H2AZ2: variants seen among roughly 807,000 people sequenced by gnomAD.
H2AZ2 encodes the protein H2A.Z variant histone 2, also known as histone H2A.V.
A neutral mutation model predicts 15.5 loss-of-function variants in H2AZ2; 5 were observed. The ratio of observed to expected loss-of-function variants is 0.32; its 90% CI spans 0.17 to 0.68. H2AZ2 has a LOEUF of 0.68. Among genes scored for constraint, H2AZ2 ranks in the 30% least tolerant of loss-of-function variants. The pLI, the probability that H2AZ2 is intolerant of heterozygous loss-of-function variation, is 0.72. For synonymous variants in H2AZ2, 44 were observed against 57.4 expected, an observed-to-expected ratio of 0.77 and a Z score of 1.05; for missense variants, 42 against 162.5, an observed-to-expected ratio of 0.26 and a Z score of 4.03.
intron 2 of H2AZ2, 128 bp from the exon 3 acceptor site, chr7:44,841,140 A>G (rs963220237): frequency 4.3e-5 from 28 of 643,750 alleles, no homozygotes; most frequent in Middle Eastern, 3.1e-4. Context: ...AGCCAAACCT[A>G]TTACGCATCA....
At chr7:44,830,228 A>C, downstream of H2AZ2, 45 of 1,453,976 alleles carry the variant, frequency 3.1e-5, no homozygotes, top group Middle Eastern at 1.7e-4. Context: ...GGGCCATCTC[A>C]TAGATGAGCT....
At chr7:44,844,036 G>T in intron 1 of H2AZ2, among the ~76,000 whole-genome samples, 1 of 106,952 alleles carries the variant, frequency 9.3e-6, no homozygotes, top group South Asian at 3.0e-4. Context: ...AATAAAGCAT[G>T]TTCCAAGAAA....
At chr7:44,829,603 G>GAAAAAAAAAA (rs11297798), downstream of H2AZ2, 1 of 138,228 alleles carries the variant, frequency 7.2e-6, no homozygotes. Flanking sequence ...TCTATTAAAG[G>GAAAAAAAAAA]AAAAAAAAAA....
chr7:44,837,233 T>A (rs1793147372), intron 3 of H2AZ2, among the ~76,000 whole-genome samples: 1 of 151,282 alleles, frequency 6.6e-6, no homozygotes, highest in Non-Finnish European at 1.5e-5. Context: ...CAGTGTTGGG[T>A]ATACAGGAGA....
chr7:44,846,294 G>A (rs948978080), intron 1 of H2AZ2, among the ~76,000 whole-genome samples: 1 of 152,060 alleles, frequency 6.6e-6, no homozygotes, highest in African/African-American at 2.4e-5. Context: ...AAAACATATA[G>A]CGTATCACTA....
intron 4 of H2AZ2, chr7:44,834,786 T>C: frequency 5.2e-6 from 1 of 193,338 alleles, no homozygotes; most frequent in Non-Finnish European, 1.0e-5. Context: ...AACCATAGCT[T>C]TTTTTTTTTT....
At chr7:44,846,162 T>G (rs1793401267) in intron 1 of H2AZ2, among the ~76,000 whole-genome samples, 1 of 152,106 alleles carries the variant, frequency 6.6e-6, no homozygotes, top group South Asian at 2.1e-4. Context: ...CATGTCAGTT[T>G]TAACAGACAT....
At chr7:44,843,730 T>C (rs1409295642) in intron 1 of H2AZ2, among the ~76,000 whole-genome samples, 1 of 152,120 alleles carries the variant, frequency 6.6e-6, no homozygotes, top group Non-Finnish European at 1.5e-5. Context: ...GGCTAATTTT[T>C]GTATTTTTAG....
downstream of H2AZ2, chr7:44,827,047 C>A (rs1298985763): frequency 6.6e-6 from 1 of 152,122 alleles, no homozygotes; most frequent in Non-Finnish European, 1.5e-5. Context: ...TGGAAGACTA[C>A]CATTATTCAA....
intron 3 of H2AZ2, among the ~76,000 whole-genome samples, chr7:44,838,726 A>G (rs139085447): frequency 0.017 from 2,575 of 152,338 alleles, 33 homozygotes; most frequent in Middle Eastern, 0.054. Context: ...GAAACTATCC[A>G]TAACATCCAT....
At chr7:44,837,371 C>T (rs1235138863) in intron 3 of H2AZ2, among the ~76,000 whole-genome samples, 3 of 129,760 alleles carry the variant, frequency 2.3e-5, no homozygotes, top group African/African-American at 2.9e-5. Flanking sequence ...TGCAGTGAGC[C>T]GAGATTGAGC....
At chr7:44,846,619 A>C (rs1439501442) in intron 1 of H2AZ2, among the ~76,000 whole-genome samples, 12 of 146,032 alleles carry the variant, frequency 8.2e-5, no homozygotes, top group Non-Finnish European at 1.2e-4. Flanking sequence ...AAAAAAAAAA[A>C]CCACAAAAAA....
At chr7:44,838,528 C>T (rs188993573) in intron 3 of H2AZ2, among the ~76,000 whole-genome samples, 74 of 151,996 alleles carry the variant, frequency 4.9e-4, no homozygotes, top group African/African-American at 1.5e-3. Context: ...TGATGCACAC[C>T]GGTAGCCCCA....
rs957317271 is a variant in H2AZ2 at position 44,832,428 on chromosome 7, T to C, written c.*2073A>G. 2.0e-5 allele frequency among the ~76,000 whole-genome samples: 3 copies of C among 152,120 alleles called. No homozygotes were observed. The highest frequency in any genetic ancestry group is 7.2e-5 in the African/African-American group (3 of 41,422). The stretch of plus-strand genomic sequence containing the variant: ...GGCAGGGGATAGGTGGGGATGCAGG[T>C]AAACAAGACTGACCACAGGACAGCT... On this transcript the variant is annotated 3_prime_UTR_variant, in exon 5 of 5. Transcript: ENST00000308153.
intron 4 of H2AZ2, 132 bp from the exon 5 acceptor site, chr7:44,834,694 A>C: frequency 4.1e-6 from 3 of 736,472 alleles, no homozygotes; most frequent in Non-Finnish European, 4.3e-6. Flanking sequence ...ATCTATACCA[A>C]TGGCTACACC....
intron 1 of H2AZ2, among the ~76,000 whole-genome samples, chr7:44,846,668 A>C (rs1045707967): frequency 2.0e-5 from 3 of 151,304 alleles, no homozygotes; most frequent in East Asian, 1.9e-4. Context: ...AAAAAAAAAA[A>C]ACCACAAAAA....
At chr7:44,847,580 C>CT (rs1309148645) in intron 1 of H2AZ2, among the ~76,000 whole-genome samples, 1 of 152,218 alleles carries the variant, frequency 6.6e-6, no homozygotes, top group African/African-American at 2.4e-5. Flanking sequence ...AAAGACTTAT[C>CT]TAACTTGTAC....
intron 1 of H2AZ2, among the ~76,000 whole-genome samples, chr7:44,846,172 T>A (rs1341369606): frequency 6.6e-6 from 1 of 152,250 alleles, no homozygotes; most frequent in Middle Eastern, 3.4e-3. Context: ...TTAACAGACA[T>A]CTGCTTACTT....
chr7:44,839,530 A>T (rs1230237671), intron 3 of H2AZ2, among the ~76,000 whole-genome samples: 3 of 151,762 alleles, frequency 2.0e-5, no homozygotes, highest in Admixed American at 6.6e-5. Flanking sequence ...CAAAAAAAAA[A>T]AATTAGCCGG....
Sources: gnomAD v4.1 joint callset for allele counts (sites outside exome capture counted in the v4.1 genomes callset) on GRCh38, gnomAD v4.1.1 for gene constraint, MANE v1.5 for transcripts, NCBI Gene and HGNC (gene_info 2026-07-23, HGNC 2026-07-21) for gene names.